The following SIAE variants were observed in gnomAD, a reference collection of about 807,000 sequenced individuals.
SIAE encodes sialate O-acetylesterase.
SIAE carries 39 observed loss-of-function variants against 52.6 expected under a neutral mutation model. That is an observed-to-expected ratio of 0.74 (90% CI 0.57 to 0.97). The LOEUF (loss-of-function observed/expected upper bound fraction) is 0.97, where lower values mean the gene tolerates loss of function less well. Among genes scored for constraint, SIAE ranks in the 50% least tolerant of loss-of-function variants. SIAE has a pLI of 0.00. For synonymous variants in SIAE, 233 were observed against 241.4 expected (o/e 0.97, Z 0.32); for missense variants, 592 against 662.1 (o/e 0.89, Z 1.16).
chr11:124,661,053 C>T (rs1421669353), intron 2 of SIAE, among the ~76,000 whole-genome samples: 3 of 152,024 alleles, frequency 2.0e-5, no homozygotes, highest in Admixed American at 6.5e-5. Context: ...AGTTATAATC[C>T]TAAATGAGGA....
In SIAE at chr11:124,637,038, G is replaced by T; in HGVS notation, c.1485C>A (p.Tyr495Ter). Residue 495 changes from tyrosine to a stop codon, truncating the protein, a stop_gained, in exon 10 of 10, where the codon TAC becomes TAA. Coordinates refer to ENST00000263593, the MANE Select transcript of SIAE (RefSeq NM_170601.5). LOFTEE classifies it low-confidence loss of function (END_TRUNC). ...WPCEYKQCPL[Y>*]HPSSALPAPP... is the part of the protein sequence containing the mutation. ...GGGCTGGCAGGGCACTACTGGGGTGGTATAGGGGACACTGCTTATATTCAC... is the reference window on the plus strand; with the variant it reads ...GGGCTGGCAGGGCACTACTGGGGTGTTATAGGGGACACTGCTTATATTCAC... 1 of 1,614,194 alleles carries T rather than the reference G, an allele frequency of 6.2e-7. No individual in the cohort carries two copies. Among genetic ancestry groups the T allele is most frequent in the African/African-American group, 1.3e-5 (1 of 75,048 alleles).
upstream of SIAE, chr11:124,673,870 T>G (rs1442389060): frequency 1.3e-5 from 9 of 708,794 alleles, no homozygotes; most frequent in Non-Finnish European, 1.8e-5. Flanking sequence ...GCCGTAGTTT[T>G]TTTTTTTTTT....
In SIAE at chr11:124,640,853, C is replaced by T. The variant is rs138729641; in HGVS notation, c.967-986G>A. 2.6e-3 allele frequency among the ~76,000 whole-genome samples: 391 copies of T among 152,322 alleles called. 1 individual carries two copies. Among genetic ancestry groups the T allele is most frequent in the African/African-American group, 9.1e-3 (378 of 41,564 alleles). On this transcript the variant is annotated intron_variant, in intron 7 of 9. Coordinates refer to ENST00000263593, the MANE Select transcript of SIAE (RefSeq NM_170601.5). ...ACTTGCTCATTTGCACTGCTGCTAT[C>T]GCCATAAGAAGGACGTGCCTGGGCT... is the stretch of plus-strand genomic sequence containing the variant.
chr11:124,636,983 C>T lies in SIAE; in HGVS notation c.1540G>A (p.Gly514Ser), dbSNP rs766162878. The change falls in exon 10 of 10, where the codon GGT (glycine) becomes AGT (serine). Residue 514 changes from glycine to serine, a missense_variant. By Grantham distance (56) the Gly-to-Ser change is moderately conservative. Coordinates refer to ENST00000263593, the MANE Select transcript of SIAE (RefSeq NM_170601.5). ...GCAACATTGCTCTGATGTCCAGGAC[C>T]CTGGTCTGTAATGAAAGCAATGAAG... ...PPFIAFITDQGPGHQSNVAK is the reference protein window; with the variant it reads ...PPFIAFITDQSPGHQSNVAK The T allele has an allele frequency of 3.7e-6, 6 of 1,613,982 alleles. No individual in the cohort carries two copies. The highest frequency in any genetic ancestry group is 5.1e-6 in the Non-Finnish European group (6 of 1,180,030).
At position 124,637,003 on chromosome 11, in the gene SIAE, A is replaced by C; in HGVS notation, c.1520T>G (p.Ile507Ser). ...AGGACCCTGGTCTGTAATGAAAGCAATGAAGGGAGGGGCTGGCAGGGCACT... is the reference window on the plus strand; with the variant it reads ...AGGACCCTGGTCTGTAATGAAAGCACTGAAGGGAGGGGCTGGCAGGGCACT... ...PSSALPAPPF[I>S]AFITDQGPGH... Residue 507 changes from isoleucine (I) to serine (S), a missense_variant, in exon 10 of 10, where the codon ATT becomes AGT. Physicochemically the swap from Ile to Ser is moderately radical, Grantham distance 142. Transcript: ENST00000263593. The C allele has an allele frequency of 6.2e-7, 1 of 1,614,180 alleles. No individual in the cohort carries two copies. The highest frequency in any genetic ancestry group is 8.5e-7 in the Non-Finnish European group (1 of 1,180,024).
intron 2 of SIAE, among the ~76,000 whole-genome samples, chr11:124,666,842 T>TA (rs1235816727): frequency 6.6e-5 from 10 of 152,300 alleles, no homozygotes; most frequent in African/African-American, 1.9e-4. Context: ...TTTATCAAAT[T>TA]AAACTCAAGA....
rs1942993185 is a variant in SIAE at position 124,649,871 on chromosome 11, C to T, written c.545-75G>A. Reference sequence around the variant, plus strand: ...TACAAACTGCAGCTGCTAGGTGGGTCGAGGTGAGAAGGGTGGGCAGAGGTC... The same window carrying T: ...TACAAACTGCAGCTGCTAGGTGGGTTGAGGTGAGAAGGGTGGGCAGAGGTC... On this transcript the variant is annotated intron_variant, in intron 4 of 9. Transcript: ENST00000263593. 6 of 1,482,718 alleles carry T rather than the reference C, an allele frequency of 4.0e-6. No individual in the cohort carries two copies. In the East Asian group the frequency reaches 6.9e-5, roughly 17 times the overall value. The allele number at this position is 1,482,718 out of a possible 1,614,324, so 91.8% of individuals were successfully genotyped here. A position where few individuals can be genotyped will look rare whatever the true frequency, so the allele number is the denominator to read the frequency against.
At chr11:124,673,962 C>G (rs984960734), upstream of SIAE, 2 of 559,466 alleles carry the variant, frequency 3.6e-6, no homozygotes, top group Non-Finnish European at 6.4e-6. Flanking sequence ...GGTGAGGCCG[C>G]TTCCCCACTT....
At position 124,668,336 on chromosome 11, in the gene SIAE, A is replaced by C. The variant is rs143083817; in HGVS notation, c.229+1024T>G. Among the ~76,000 whole-genome samples, 30 of 152,130 alleles carry C rather than the reference A, an allele frequency of 2.0e-4. No homozygotes were observed. In the East Asian group the frequency reaches 5.6e-3, roughly 28 times the overall value. ...CTCCCATCGCACCTTGTTCTTCCTC[A>C]CTGTGGCACTTATCACACTTAACGA... On this transcript the variant is annotated intron_variant, in intron 2 of 9. Transcript: ENST00000263593.
chr11:124,672,275 G>C (rs542542417), intron 1 of SIAE, among the ~76,000 whole-genome samples: 1 of 152,264 alleles, frequency 6.6e-6, no homozygotes, highest in East Asian at 1.9e-4. Context: ...TTAGTGTTAT[G>C]GGGAAGAGAG....
At chr11:124,662,259 C>T (rs1943196245) in intron 2 of SIAE, among the ~76,000 whole-genome samples, 1 of 152,206 alleles carries the variant, frequency 6.6e-6, no homozygotes, top group African/African-American at 2.4e-5. Context: ...GCAGCTAGGA[C>T]AGATTGTGTC....
intron 2 of SIAE, among the ~76,000 whole-genome samples, chr11:124,662,280 G>C (rs1001960663): frequency 1.3e-5 from 2 of 152,202 alleles, no homozygotes; most frequent in African/African-American, 4.8e-5. Flanking sequence ...GCACAGGTGT[G>C]ATGTGTTCCA....
At chr11:124,647,646 A>G in intron 6 of SIAE, 148 bp from the exon 7 acceptor site, 1 of 971,388 alleles carries the variant, frequency 1.0e-6, no homozygotes, top group Non-Finnish European at 1.6e-6. Context: ...GGGCATCAGC[A>G]AATGTGGTAC....
intron 9 of SIAE, among the ~76,000 whole-genome samples, chr11:124,637,704 G>A (rs148364456): frequency 8.7e-4 from 132 of 152,342 alleles, no homozygotes; most frequent in Middle Eastern, 3.4e-3. Flanking sequence ...TGACTAAAGA[G>A]AAGAGCTCAG....
chr11:124,661,556 C>A (rs1214353210), intron 2 of SIAE, among the ~76,000 whole-genome samples: 12 of 152,122 alleles, frequency 7.9e-5, no homozygotes, highest in Non-Finnish European at 1.8e-4. Flanking sequence ...AGAACCACCC[C>A]ATCACCCTCC....
At chr11:124,641,523 G>A (rs915514128) in intron 7 of SIAE, among the ~76,000 whole-genome samples, 1 of 152,228 alleles carries the variant, frequency 6.6e-6, no homozygotes, top group African/African-American at 2.4e-5. Flanking sequence ...CATCGTGAAT[G>A]TGCTAACGTG....
At chr11:124,649,411 A>G (rs1204641069) in intron 5 of SIAE, among the ~76,000 whole-genome samples, 1 of 152,084 alleles carries the variant, frequency 6.6e-6, no homozygotes, top group African/African-American at 2.4e-5. Flanking sequence ...TTACTGGGGG[A>G]AAAGATACTT....
At chr11:124,669,555 A>G in intron 1 of SIAE, 34 bp from the exon 2 acceptor site, 2 of 1,597,122 alleles carry the variant, frequency 1.3e-6, no homozygotes, top group Non-Finnish European at 1.7e-6. Flanking sequence ...GGGAAGCATC[A>G]TCGGAGAGAT....
chr11:124,668,969 C>G (rs1010255046), intron 2 of SIAE, among the ~76,000 whole-genome samples: 1 of 152,116 alleles, frequency 6.6e-6, no homozygotes, highest in African/African-American at 2.4e-5. Flanking sequence ...TCCATACTGC[C>G]TCTCCTCTAT....
Sources: gnomAD v4.1 joint callset for allele counts (sites outside exome capture counted in the v4.1 genomes callset) on GRCh38, gnomAD v4.1.1 for gene constraint, MANE v1.5 for transcripts, NCBI Gene and HGNC (gene_info 2026-07-23, HGNC 2026-07-21) for gene names.